KCNAB1: variants seen among roughly 807,000 people sequenced by gnomAD.
KCNAB1 encodes the protein potassium voltage-gated channel subfamily A regulatory beta subunit 1.
A neutral mutation model predicts 64.6 loss-of-function variants in KCNAB1; 35 were observed. The ratio of observed to expected loss-of-function variants is 0.54; its 90% CI spans 0.41 to 0.72. The LOEUF is 0.72. Ranked by LOEUF, KCNAB1 falls within the 30% of genes least tolerant of loss-of-function variation. The probability of loss-of-function intolerance (pLI) is 0.00; values close to 1 mark genes in which losing one functional copy is unlikely to be tolerated. For missense variants in KCNAB1, 401 were observed against 512.9 expected, an observed-to-expected ratio of 0.78 and a Z score of 2.11; for synonymous variants, 177 against 183.8, an observed-to-expected ratio of 0.96 and a Z score of 0.30.
intron 8 of KCNAB1, among the ~76,000 whole-genome samples, chr3:156,512,639 T>C (rs755189250): frequency 6.6e-6 from 1 of 152,210 alleles, no homozygotes; most frequent in Non-Finnish European, 1.5e-5. Context: ...TTCATATCAT[T>C]GTTTTCAACT....
chr3:156,177,227 T>C (rs1259727368), intron 1 of KCNAB1, among the ~76,000 whole-genome samples: 2 of 152,066 alleles, frequency 1.3e-5, no homozygotes, highest in African/African-American at 4.8e-5. Context: ...TCTTATAGAG[T>C]GGGGCTCATA....
intron 1 of KCNAB1, among the ~76,000 whole-genome samples, chr3:156,130,402 T>C (rs1713927162): frequency 6.6e-6 from 1 of 152,238 alleles, no homozygotes; most frequent in Non-Finnish European, 1.5e-5. Context: ...CTTCTTTTCC[T>C]AATATCAACA....
intron 1 of KCNAB1, among the ~76,000 whole-genome samples, chr3:156,280,035 C>A (rs1156336150): frequency 6.7e-6 from 1 of 148,196 alleles, no homozygotes; most frequent in Admixed American, 6.7e-5. Context: ...GACATGAAGT[C>A]CTTGCCCATG....
chr3:156,208,245 T>C (rs1353770604), intron 1 of KCNAB1, among the ~76,000 whole-genome samples: 1 of 152,176 alleles, frequency 6.6e-6, no homozygotes, highest in African/African-American at 2.4e-5. Context: ...CCGCTGCTCC[T>C]ACTTGATCTT....
chr3:156,155,162 T>A (rs1306855838), intron 1 of KCNAB1, among the ~76,000 whole-genome samples: 1 of 152,228 alleles, frequency 6.6e-6, no homozygotes, highest in Non-Finnish European at 1.5e-5. Flanking sequence ...CAAGCCTCGC[T>A]GTTTTTGGTA....
At chr3:156,384,576 T>C (rs1418404690) in intron 1 of KCNAB1, among the ~76,000 whole-genome samples, 1 of 151,960 alleles carries the variant, frequency 6.6e-6, no homozygotes, top group Admixed American at 6.6e-5. Flanking sequence ...AATGAGAACA[T>C]GAGATATGAG....
chr3:156,485,033 CAT>C (rs1408080681), intron 8 of KCNAB1, among the ~76,000 whole-genome samples: 1 of 151,956 alleles, frequency 6.6e-6, no homozygotes, highest in African/African-American at 2.4e-5. Flanking sequence ...TAAGTGGAAA[CAT>C]GTTATAAATT....
intron 2 of KCNAB1, chr3:156,441,480 C>T (rs1716992546): frequency 6.6e-6 from 1 of 152,172 alleles, no homozygotes; most frequent in East Asian, 1.9e-4. Flanking sequence ...TATATTTGAA[C>T]ACATACTATA....
chr3:156,463,794 T>C, intron 6 of KCNAB1, 48 bp downstream of exon 6: 4 of 1,438,618 alleles, frequency 2.8e-6, no homozygotes, highest in Non-Finnish European at 9.6e-7. Flanking sequence ...AGTTCATGCT[T>C]TTTTGCTGTT....
At chr3:156,277,119 A>C (rs1015804562) in intron 1 of KCNAB1, among the ~76,000 whole-genome samples, 2 of 152,134 alleles carry the variant, frequency 1.3e-5, no homozygotes, top group Non-Finnish European at 2.9e-5. Flanking sequence ...TATCTCAGGG[A>C]ATAGAAAGGC....
intron 1 of KCNAB1, among the ~76,000 whole-genome samples, chr3:156,158,919 C>G (rs1031306738): frequency 2.6e-5 from 4 of 152,206 alleles, no homozygotes; most frequent in African/African-American, 9.7e-5. Context: ...CTCTGAACTA[C>G]TGACCTTATC....
At chr3:156,294,972 T>C (rs1482609894) in intron 1 of KCNAB1, among the ~76,000 whole-genome samples, 2 of 152,230 alleles carry the variant, frequency 1.3e-5, no homozygotes, top group African/African-American at 4.8e-5. Flanking sequence ...ACCTATTCTA[T>C]ATCAGGAACC....
intron 1 of KCNAB1, among the ~76,000 whole-genome samples, chr3:156,255,528 C>T (rs1718053258): frequency 6.6e-6 from 1 of 152,168 alleles, no homozygotes; most frequent in Non-Finnish European, 1.5e-5. Flanking sequence ...CTCTCTCCTG[C>T]TCCATCTTCC....
chr3:156,449,853 A>G (rs1366689292), intron 2 of KCNAB1, among the ~76,000 whole-genome samples: 1 of 152,218 alleles, frequency 6.6e-6, no homozygotes, highest in Non-Finnish European at 1.5e-5. Context: ...GACTGTACCT[A>G]TAGAAAAATA....
intron 1 of KCNAB1, among the ~76,000 whole-genome samples, chr3:156,241,916 A>G (rs1472901592): frequency 6.6e-6 from 1 of 152,166 alleles, no homozygotes; most frequent in Non-Finnish European, 1.5e-5. Flanking sequence ...ATCAAGTTAT[A>G]TGTTGGAAAT....
Position 156,409,256 on chromosome 3 carries a change from G to A in KCNAB1, c.276-12360G>A, listed in dbSNP as rs529258932. On this transcript the variant is annotated intron_variant, in intron 1 of 13. Transcript: ENST00000490337. ...TAGAACCAGTCAAGTCATTCAACTC[G>A]AATAAAGTATCAGTAGTGATTTTAA... Among the ~76,000 whole-genome samples the A allele has an allele frequency of 3.2e-4, 49 of 152,232 alleles. 2 individuals are homozygous for A. The highest frequency in any genetic ancestry group is 1.0e-3 in the African/African-American group (43 of 41,540).
chr3:156,193,279 C>T (rs186603580), intron 1 of KCNAB1, among the ~76,000 whole-genome samples: 26 of 152,120 alleles, frequency 1.7e-4, no homozygotes, highest in African/African-American at 6.0e-4. Context: ...TCAGTAGAAA[C>T]CATACTTTGA....
chr3:156,179,415 A>ACCC (rs1712634534), intron 1 of KCNAB1, among the ~76,000 whole-genome samples: 1 of 105,762 alleles, frequency 9.5e-6, no homozygotes, highest in African/African-American at 4.4e-5. Context: ...CCTGGTTTGG[A>ACCC]ACCCCCCCCC....
At chr3:156,338,057 A>G (rs1723832251) in intron 1 of KCNAB1, among the ~76,000 whole-genome samples, 1 of 152,082 alleles carries the variant, frequency 6.6e-6, no homozygotes, top group Admixed American at 6.6e-5. Context: ...ACTGGGTGAT[A>G]TATGCTGCTG....
Sources: gnomAD v4.1 joint callset for allele counts (sites outside exome capture counted in the v4.1 genomes callset) on GRCh38, gnomAD v4.1.1 for gene constraint, MANE v1.5 for transcripts, NCBI Gene and HGNC (gene_info 2026-07-23, HGNC 2026-07-21) for gene names.